OXSR1: variants seen among roughly 807,000 people sequenced by gnomAD.
OXSR1 encodes the protein oxidative stress responsive kinase 1.
In OXSR1, 24 loss-of-function variants were observed where a neutral mutation model predicts 79.8. The ratio of observed to expected loss-of-function variants is 0.30; its 90% CI spans 0.22 to 0.42. The LOEUF (loss-of-function observed/expected upper bound fraction) is 0.42. OXSR1 is among the 10% of genes least tolerant of loss of function. The probability of loss-of-function intolerance (pLI) is 1.00; values close to 1 mark genes in which losing one functional copy is unlikely to be tolerated. For missense variants in OXSR1, 430 were observed against 618.4 expected (o/e 0.70, Z 3.23); for synonymous variants, 226 against 209.2 (o/e 1.08, Z -0.69).
intron 4 of OXSR1, among the ~76,000 whole-genome samples, chr3:38,208,193 C>T (rs1426944441): frequency 6.6e-6 from 1 of 151,876 alleles, no homozygotes; most frequent in Non-Finnish European, 1.5e-5. Flanking sequence ...ACAAATGTTT[C>T]CTCTTTGGCC....
intron 13 of OXSR1, among the ~76,000 whole-genome samples, chr3:38,246,671 G>A (rs1399336570): frequency 6.6e-6 from 1 of 152,046 alleles, no homozygotes. Context: ...TGTGAGGGTT[G>A]GTTTGTTAAG....
At chr3:38,238,344 A>T (rs1702961163) in intron 11 of OXSR1, among the ~76,000 whole-genome samples, 1 of 152,186 alleles carries the variant, frequency 6.6e-6, no homozygotes, top group East Asian at 1.9e-4. Flanking sequence ...GAAATCTCAT[A>T]ATATTGATAG....
rs1279383321 is a variant in OXSR1 at position 38,229,749 on chromosome 3, G to A, written c.885+14G>A. 38 of 1,600,884 alleles carry A rather than the reference G, an allele frequency of 2.4e-5. No individual in the cohort carries two copies. Among genetic ancestry groups the A allele is most frequent in the Non-Finnish European group, 3.2e-5 (37 of 1,168,894 alleles). On this transcript the variant is annotated intron_variant, in intron 9 of 17. Transcript: ENST00000311806. ...CAGAAAGCAAAGGTAGGAAATTCCAGCTTTTGATTATGTGTGTTCATAGGA... is the reference window on the plus strand; with the variant it reads ...CAGAAAGCAAAGGTAGGAAATTCCAACTTTTGATTATGTGTGTTCATAGGA...
intron 4 of OXSR1, among the ~76,000 whole-genome samples, chr3:38,203,759 G>A (rs1702213990): frequency 6.6e-6 from 1 of 152,154 alleles, no homozygotes; most frequent in South Asian, 2.1e-4. Flanking sequence ...GTGGCTACCA[G>A]CACTGGGACT....
chr3:38,255,288 A>G lies in OXSR1; in HGVS notation c.*2397A>G, dbSNP rs1244437867. ...TGTTGGGTTTTTGCTTAAGTTTTGA[A>G]CCAAATCCTAGAGCCAGCTGATAAT... is the stretch of plus-strand genomic sequence containing the variant. On this transcript the variant is annotated 3_prime_UTR_variant, in exon 18 of 18. Coordinates refer to ENST00000311806, the MANE Select transcript of OXSR1 (RefSeq NM_005109.3). 6.6e-6 allele frequency: 1 copy of G among 152,610 alleles called. No individual in the cohort carries two copies. The highest frequency in any genetic ancestry group is 1.5e-5 in the Non-Finnish European group (1 of 68,036). The allele number at this position is 152,610 out of a possible 1,614,324, so 9.5% of individuals were successfully genotyped here.
intron 9 of OXSR1, 57 bp from the exon 10 acceptor site, chr3:38,230,308 G>GT (rs1168204241): frequency 1.1e-4 from 127 of 1,118,298 alleles, no homozygotes; most frequent in Non-Finnish European, 1.4e-4. Context: ...TTTTTTGTGG[G>GT]TTTTTTTTGG....
intron 1 of OXSR1, among the ~76,000 whole-genome samples, chr3:38,177,094 C>T (rs1237572324): frequency 1.3e-5 from 2 of 152,202 alleles, no homozygotes; most frequent in Non-Finnish European, 2.9e-5. Flanking sequence ...AACACATCTG[C>T]ATATTAGAAG....
At chr3:38,252,515 G>A in intron 17 of OXSR1, 123 bp downstream of exon 17, 2 of 785,324 alleles carry the variant, frequency 2.5e-6, no homozygotes, top group Non-Finnish European at 4.5e-6. Flanking sequence ...TGTTCATTTA[G>A]CCTCCCCAGT....
rs372701984 is a variant in OXSR1, at chr3:38,252,935, C to T, written c.*44C>T. ...GCGGCCTAAGGAGATTCCACACATGCGTATCTCTGTTGCTTCTATTGGCCT... is the reference window on the plus strand; with the variant it reads ...GCGGCCTAAGGAGATTCCACACATGTGTATCTCTGTTGCTTCTATTGGCCT... On this transcript the variant is annotated 3_prime_UTR_variant, in exon 18 of 18. Transcript: ENST00000311806. 10 of 1,470,558 alleles carry T rather than the reference C, an allele frequency of 6.8e-6. No individual in the cohort carries two copies. The highest frequency in any genetic ancestry group is 1.7e-4 in the Middle Eastern group (1 of 5,786). 91.1% of individuals were successfully genotyped at this position (1,470,558 alleles called of 1,614,324 possible). A position where few individuals can be genotyped will look rare whatever the true frequency, so the allele number is the denominator to read the frequency against.
At chr3:38,211,754 C>A (rs558339534) in intron 4 of OXSR1, among the ~76,000 whole-genome samples, 1 of 152,284 alleles carries the variant, frequency 6.6e-6, no homozygotes, top group African/African-American at 2.4e-5. Flanking sequence ...TCTCCCAGGT[C>A]TTCTTACCTA....
At chr3:38,166,318 C>G (rs558694829) in intron 1 of OXSR1, among the ~76,000 whole-genome samples, 1 of 152,126 alleles carries the variant, frequency 6.6e-6, no homozygotes, top group African/African-American at 2.4e-5. Context: ...GCACAGCCAT[C>G]GATTTCTGGG....
chr3:38,237,369 T>C (rs1239158538), intron 11 of OXSR1, among the ~76,000 whole-genome samples: 1 of 152,206 alleles, frequency 6.6e-6, no homozygotes, highest in Admixed American at 6.5e-5. Flanking sequence ...CCTAGATATC[T>C]GTCGTGCACA....
chr3:38,194,677 G>A (rs914857712), intron 3 of OXSR1, among the ~76,000 whole-genome samples: 1 of 152,184 alleles, frequency 6.6e-6, no homozygotes, highest in Non-Finnish European at 1.5e-5. Flanking sequence ...GATGGAGTGT[G>A]TATGTCTTGA....
chr3:38,192,664 A>T (rs1471874484), intron 3 of OXSR1, among the ~76,000 whole-genome samples: 3 of 152,246 alleles, frequency 2.0e-5, no homozygotes, highest in African/African-American at 7.2e-5. Flanking sequence ...AATATTGCTG[A>T]TTGCAAACTG....
intron 5 of OXSR1, among the ~76,000 whole-genome samples, chr3:38,217,082 GA>G (rs963204268): frequency 2.0e-5 from 3 of 151,270 alleles, no homozygotes; most frequent in African/African-American, 7.3e-5. Context: ...CTCACTGAGA[GA>G]AAAAAAAACT....
chr3:38,209,093 C>CT (rs546052632), intron 4 of OXSR1, among the ~76,000 whole-genome samples: 127 of 151,944 alleles, frequency 8.4e-4, no homozygotes, highest in African/African-American at 3.0e-3. Context: ...TTGTAGTAGT[C>CT]TGATTTTTTT....
At chr3:38,224,113 A>G (rs924988546) in intron 7 of OXSR1, among the ~76,000 whole-genome samples, 200 bp downstream of exon 7, 5 of 152,210 alleles carry the variant, frequency 3.3e-5, no homozygotes, top group Admixed American at 1.3e-4. Flanking sequence ...CACCATCTGT[A>G]TCCAAACTCT....
chr3:38,202,496 A>G (rs1702182791), intron 4 of OXSR1, among the ~76,000 whole-genome samples: 1 of 152,166 alleles, frequency 6.6e-6, no homozygotes, highest in African/African-American at 2.4e-5. Flanking sequence ...CCTCCTGCCC[A>G]AGCCTCTCTA....
rs1302780807 is a variant in OXSR1 at position 38,254,071 on chromosome 3, G to A, written c.*1180G>A. ...CAATATGTGAATAATCAGTGAGGTT[G>A]ATTTTTCTTTTTTCCTACCGTTTCA... is the stretch of plus-strand genomic sequence containing the variant. On this transcript the variant is annotated 3_prime_UTR_variant, in exon 18 of 18. Coordinates refer to ENST00000311806, the MANE Select transcript of OXSR1 (RefSeq NM_005109.3). 2 of 397,644 alleles carry A rather than the reference G, an allele frequency of 5.0e-6. No homozygotes were observed. The highest frequency in any genetic ancestry group is 8.9e-6 in the Non-Finnish European group (2 of 225,460). The allele number at this position is 397,644 out of a possible 1,614,324, so 24.6% of individuals were successfully genotyped here. A position where few individuals can be genotyped will look rare whatever the true frequency, so the allele number is the denominator to read the frequency against.
Sources: allele counts gnomAD v4.1 joint callset (sites outside exome capture counted in the v4.1 genomes callset), GRCh38; gene constraint gnomAD v4.1.1; transcripts MANE v1.5; gene names NCBI Gene and HGNC (gene_info 2026-07-23, HGNC 2026-07-21).